Variants in STOX1 observed in about 807,000 individuals in gnomAD.
The protein encoded by STOX1 is storkhead box 1.
In STOX1, 57 loss-of-function variants were observed where a neutral mutation model predicts 74.8. The observed-to-expected ratio is 0.76, with a 90% CI of 0.62 to 0.95. STOX1 has a LOEUF of 0.95. Among genes scored for constraint, STOX1 ranks in the 40% least tolerant of loss-of-function variants. The probability of loss-of-function intolerance (pLI) is 0.00; values close to 1 mark genes in which losing one functional copy is unlikely to be tolerated. For missense variants in STOX1, 1,010 were observed against 1,117.0 expected (o/e 0.90, Z 1.37); for synonymous variants, 375 against 401.3 (o/e 0.93, Z 0.78).
At chr10:68,843,318 C>A (rs1300950316) in intron 1 of STOX1, among the ~76,000 whole-genome samples, 1 of 152,192 alleles carries the variant, frequency 6.6e-6, no homozygotes, top group Non-Finnish European at 1.5e-5. Flanking sequence ...AGCCGTGAGC[C>A]ACTGTACCTA....
chr10:68,864,663 A>C (rs1840358266), intron 1 of STOX1, among the ~76,000 whole-genome samples: 1 of 152,210 alleles, frequency 6.6e-6, no homozygotes, highest in Non-Finnish European at 1.5e-5. Context: ...GAACAGTAAC[A>C]CCAGTAGGTG....
chr10:68,867,261 T>C (rs545663616), intron 1 of STOX1, among the ~76,000 whole-genome samples: 37 of 152,200 alleles, frequency 2.4e-4, no homozygotes, highest in African/African-American at 8.4e-4. Flanking sequence ...TTTCCTTTTT[T>C]ACACTTCAGG....
At chr10:68,892,503 A>G in intron 3 of STOX1, 86 bp from the exon 4 acceptor site, 2 of 1,294,856 alleles carry the variant, frequency 1.5e-6, no homozygotes, top group Non-Finnish European at 2.2e-6. Context: ...GTACTACTTC[A>G]AAGTAGCAAA....
At chr10:68,860,594 G>A (rs1253302078) in intron 1 of STOX1, among the ~76,000 whole-genome samples, 1 of 142,432 alleles carries the variant, frequency 7.0e-6, no homozygotes, top group Admixed American at 7.1e-5. Context: ...AAAAAAAAAG[G>A]TCTAATTGGC....
At position 68,886,459 on chromosome 10, in the gene STOX1, C is replaced by A. The variant is rs576393249; in HGVS notation, c.2663C>A (p.Pro888His). ...GKKPASWSQS[P>H]QNQEMRKHFP... ...AAGCCAGCTAGCTGGAGTCAGAGTC[C>A]TCAGAATCAGGAAATGAGAAAACAT... The change falls in exon 3 of 4, where the codon CCT becomes CAT. Residue 888 changes from proline to histidine, a missense_variant. Transcript: ENST00000298596. 1.2e-6 allele frequency: 2 copies of A among 1,614,100 alleles called. No homozygotes were observed. Among genetic ancestry groups the A allele is most frequent in the African/African-American group, 1.3e-5 (1 of 75,030 alleles).
chr10:68,867,592 G>C (rs1840441578), intron 1 of STOX1, among the ~76,000 whole-genome samples: 1 of 152,202 alleles, frequency 6.6e-6, no homozygotes, highest in African/African-American at 2.4e-5. Context: ...GCAGGGACAA[G>C]CTTCCCCTTC....
intron 1 of STOX1, among the ~76,000 whole-genome samples, chr10:68,848,026 T>C (rs1472876524): frequency 6.6e-6 from 1 of 152,188 alleles, no homozygotes; most frequent in Non-Finnish European, 1.5e-5. Flanking sequence ...CCACTGTGCC[T>C]GGCCAATAGA....
At chr10:68,837,933 T>C (rs1226167724) in intron 1 of STOX1, among the ~76,000 whole-genome samples, 1 of 152,244 alleles carries the variant, frequency 6.6e-6, no homozygotes, top group African/African-American at 2.4e-5. Flanking sequence ...TGTGCCTTCT[T>C]TAATTTCTTT....
chr10:68,840,170 C>A (rs1317461810), intron 1 of STOX1, among the ~76,000 whole-genome samples: 1 of 152,118 alleles, frequency 6.6e-6, no homozygotes, highest in East Asian at 1.9e-4. Flanking sequence ...CTTATACCAT[C>A]CACAACAGCC....
At chr10:68,876,249 C>G (rs1840675132) in intron 1 of STOX1, among the ~76,000 whole-genome samples, 1 of 151,722 alleles carries the variant, frequency 6.6e-6, no homozygotes, top group Non-Finnish European at 1.5e-5. Flanking sequence ...CCTCTGCCTT[C>G]CGGGTTCAAA....
At chr10:68,875,490 C>G (rs1840652191) in intron 1 of STOX1, among the ~76,000 whole-genome samples, 1 of 151,922 alleles carries the variant, frequency 6.6e-6, no homozygotes, top group African/African-American at 2.4e-5. Context: ...TCTTGATATT[C>G]TACATTGGGG....
At chr10:68,872,790 G>A (rs1017734227) in intron 1 of STOX1, among the ~76,000 whole-genome samples, 1 of 151,902 alleles carries the variant, frequency 6.6e-6, no homozygotes, top group Non-Finnish European at 1.5e-5. Context: ...GTCTTTCATG[G>A]GCCTTAAAAT....
chr10:68,852,248 G>GA (rs200461358), intron 1 of STOX1, among the ~76,000 whole-genome samples: 3 of 132,210 alleles, frequency 2.3e-5, no homozygotes, highest in Non-Finnish European at 4.8e-5. Flanking sequence ...TTCTCTTACT[G>GA]CTTTTTTTTT....
At position 68,886,204 on chromosome 10, in the gene STOX1, C is replaced by G; in HGVS notation, c.2408C>G (p.Thr803Ser). Residue 803 changes from threonine (T) to serine (S), a missense_variant, in exon 3 of 4, where the codon ACT becomes AGT. Transcript: ENST00000298596. Reference protein sequence around the residue: ...VLKRNECYKPTGLHATPGESQ... With the variant: ...VLKRNECYKPSGLHATPGESQ... ...AAAAGAAATGAATGCTACAAACCCA[C>G]TGGGCTGCATGCTACCCCAGGTGAA... 1 of 1,614,210 alleles carries G rather than the reference C, an allele frequency of 6.2e-7. No individual in the cohort carries two copies. Among genetic ancestry groups the G allele is most frequent in the South Asian group, 1.1e-5 (1 of 91,080 alleles).
chr10:68,829,744 A>T (rs989145711), intron 1 of STOX1, among the ~76,000 whole-genome samples: 1 of 152,058 alleles, frequency 6.6e-6, no homozygotes, highest in African/African-American at 2.4e-5. Context: ...CTTAAGCTCA[A>T]AAAAGAGCTC....
intron 1 of STOX1, among the ~76,000 whole-genome samples, chr10:68,835,726 C>G (rs1285265541): frequency 6.6e-6 from 1 of 152,222 alleles, no homozygotes; most frequent in Non-Finnish European, 1.5e-5. Context: ...TATCCTTCCG[C>G]TTATGCGCAT....
intron 1 of STOX1, among the ~76,000 whole-genome samples, chr10:68,830,814 A>G (rs1218879443): frequency 6.6e-6 from 1 of 152,116 alleles, no homozygotes; most frequent in Non-Finnish European, 1.5e-5. Context: ...ATCTTATTTG[A>G]TGCTGAGTGA....
intron 1 of STOX1, among the ~76,000 whole-genome samples, chr10:68,880,407 C>G (rs141079526): frequency 4.3e-4 from 66 of 152,120 alleles, no homozygotes; most frequent in African/African-American, 1.5e-3. Flanking sequence ...ATCTGGAATT[C>G]CTGGCCTCAA....
chr10:68,884,379 A>G lies in STOX1; in HGVS notation c.583A>G (p.Thr195Ala), dbSNP rs775714360. 1.9e-5 allele frequency: 31 copies of G among 1,614,208 alleles called. No individual in the cohort carries two copies. The South Asian group carries it at 3.3e-4, about 17-fold the overall frequency. Reference protein sequence around the residue: ...FIVTPQTYFITNTTTQENKRM... With the variant: ...FIVTPQTYFIANTTTQENKRM... ...AGTTACTCCTCAGACTTACTTCATT[A>G]CAAATACAACCACCCAGGAAAATAA... The change falls in exon 3 of 4, where the codon ACA (threonine) becomes GCA (alanine). Residue 195 changes from threonine to alanine, a missense_variant. Thr to Ala is a moderately conservative substitution (Grantham distance 58). Transcript: ENST00000298596.
Sources: allele counts gnomAD v4.1 joint callset (sites outside exome capture counted in the v4.1 genomes callset), GRCh38; gene constraint gnomAD v4.1.1; transcripts MANE v1.5; gene names NCBI Gene and HGNC (gene_info 2026-07-23, HGNC 2026-07-21).